Variants in FBXO15 observed in about 807,000 individuals in gnomAD.
The protein encoded by FBXO15 is F-box only protein 15.
FBXO15 carries 30 observed loss-of-function variants against 49.5 expected under a neutral mutation model. The observed-to-expected ratio is 0.61, with a 90% CI of 0.45 to 0.82. FBXO15 has a LOEUF of 0.82. Ranked by LOEUF, FBXO15 falls within the 40% of genes least tolerant of loss-of-function variation. The pLI is 0.00. For missense variants in FBXO15, 591 were observed against 631.5 expected (o/e 0.94, Z 0.69); for synonymous variants, 250 against 232.7 (o/e 1.07, Z -0.68).
chr18:74,103,504 T>C lies in FBXO15; in HGVS notation c.1138+19864A>G, dbSNP rs1274917003. 5.3e-5 allele frequency among the ~76,000 whole-genome samples: 8 copies of C among 151,974 alleles called. No homozygotes were observed. The East Asian group carries it at 1.4e-3, about 26-fold the overall frequency. The stretch of plus-strand genomic sequence containing the variant: ...CTTTCCAAAACTTGAGAAAGATATA[T>C]CCAGGTACAAGAATACTAGACAACA... On this transcript the variant is annotated intron_variant, in intron 8 of 9. Coordinates refer to ENST00000419743, the MANE Select transcript of FBXO15 (RefSeq NM_001142958.2).
intron 1 of FBXO15, among the ~76,000 whole-genome samples, chr18:74,140,983 T>C (rs371891990): frequency 2.0e-5 from 3 of 152,348 alleles, no homozygotes; most frequent in East Asian, 1.9e-4. Flanking sequence ...TTTGCAGTCA[T>C]AGACAAACTA....
chr18:74,077,488 G>A (rs1326360116), intron 9 of FBXO15, among the ~76,000 whole-genome samples: 1 of 152,196 alleles, frequency 6.6e-6, no homozygotes. Flanking sequence ...CTTGCTCCCT[G>A]ATGCCTTTCC....
chr18:74,118,679 C>G (rs999387425), intron 8 of FBXO15, among the ~76,000 whole-genome samples: 3 of 152,048 alleles, frequency 2.0e-5, no homozygotes, highest in African/African-American at 7.2e-5. Flanking sequence ...AGTTGGTATT[C>G]TGCAAAAACT....
chr18:74,088,445 T>A (rs142679715), intron 8 of FBXO15, among the ~76,000 whole-genome samples: 108 of 152,324 alleles, frequency 7.1e-4, no homozygotes, highest in African/African-American at 2.4e-3. Context: ...CCTGCATCAT[T>A]TATTGAATAG....
At chr18:74,091,989 G>C (rs979465140) in intron 8 of FBXO15, among the ~76,000 whole-genome samples, 2 of 152,142 alleles carry the variant, frequency 1.3e-5, no homozygotes, top group African/African-American at 4.8e-5. Context: ...CAAGGCGTTT[G>C]CTTTCTCTCC....
intron 8 of FBXO15, among the ~76,000 whole-genome samples, chr18:74,119,331 C>T (rs899378961): frequency 6.6e-6 from 1 of 152,188 alleles, no homozygotes; most frequent in African/African-American, 2.4e-5. Context: ...ACTGCATGGC[C>T]TTTGGGAGCC....
In FBXO15 at chr18:74,130,463, A is replaced by G. The variant is rs1158046775; in HGVS notation, c.528T>C (p.Pro176=). 2 of 1,614,078 alleles carry G rather than the reference A, an allele frequency of 1.2e-6. No individual in the cohort carries two copies. The highest frequency in any genetic ancestry group is 2.2e-5 in the East Asian group (1 of 44,888). Residue 176 remains proline (P), a synonymous_variant, in exon 4 of 10, where the codon CCT becomes CCC. Transcript: ENST00000419743. ...CTGGAAGGCCTGTGTAAGGGTTGAC[A>G]GGTTTGAGAATGTCAGCTAGTGCGG... ...VKAALADILK[P]VNPYTGLPVK...
rs568834397 is a variant in FBXO15 at position 74,127,513 on chromosome 18, AC to A, written c.786-1413del. On this transcript the variant is annotated intron_variant, in intron 5 of 9. Transcript: ENST00000419743. Reference sequence around the variant, plus strand: ...TGTTGAAAAACTTCTCATAGAGGAAACAAAAAAGACCCAAATAAAAATCACA... The same window carrying A: ...TGTTGAAAAACTTCTCATAGAGGAAAAAAAAAGACCCAAATAAAAATCACA... Among the ~76,000 whole-genome samples the A allele has an allele frequency of 2.0e-4, 30 of 152,360 alleles. No individual in the cohort carries two copies. The East Asian group carries it at 5.8e-3, about 29-fold the overall frequency.
At chr18:74,119,430 G>C (rs1175544414) in intron 8 of FBXO15, among the ~76,000 whole-genome samples, 1 of 152,162 alleles carries the variant, frequency 6.6e-6, no homozygotes, top group Non-Finnish European at 1.5e-5. Flanking sequence ...CCCCATGGAA[G>C]TTACTTCTCT....
chr18:74,134,721 G>A (rs925610153), intron 3 of FBXO15, among the ~76,000 whole-genome samples: 3 of 152,114 alleles, frequency 2.0e-5, no homozygotes, highest in Admixed American at 2.0e-4. Flanking sequence ...CCCTAGAAAT[G>A]CAGACTAGGG....
At chr18:74,129,110 T>G (rs954014875) in intron 5 of FBXO15, among the ~76,000 whole-genome samples, 1 of 152,316 alleles carries the variant, frequency 6.6e-6, no homozygotes, top group South Asian at 2.1e-4. Flanking sequence ...TCTGTTAAGA[T>G]GGTTAAAATG....
At chr18:74,107,693 G>A (rs1375160455) in intron 8 of FBXO15, among the ~76,000 whole-genome samples, 2 of 152,148 alleles carry the variant, frequency 1.3e-5, no homozygotes, top group Admixed American at 1.3e-4. Flanking sequence ...CAAGGGGTGT[G>A]GGCACACTTA....
chr18:74,116,118 TAACAC>T (rs895848963), intron 8 of FBXO15, among the ~76,000 whole-genome samples: 2 of 152,206 alleles, frequency 1.3e-5, no homozygotes, highest in Non-Finnish European at 2.9e-5. Flanking sequence ...AGGGAACAAT[TAACAC>T]AACAGACAGA....
rs996484660 is a variant in FBXO15 at position 74,100,451 on chromosome 18, C to T, written c.1139-18400G>A. On this transcript the variant is annotated intron_variant, in intron 8 of 9. Transcript: ENST00000419743. Reference sequence around the variant, plus strand: ...GAAAGTTCATAGCCCTAAATCCCTACATCAAAAAGTCTGGAAAAGCACAAA... The same window carrying T: ...GAAAGTTCATAGCCCTAAATCCCTATATCAAAAAGTCTGGAAAAGCACAAA... 2.0e-5 allele frequency among the ~76,000 whole-genome samples: 3 copies of T among 151,978 alleles called. No homozygotes were observed. In the East Asian group the frequency reaches 5.8e-4, roughly 29 times the overall value.
intron 5 of FBXO15, among the ~76,000 whole-genome samples, chr18:74,128,449 AGGAGAGAAACCAATGGGT>A (rs1978299714): frequency 6.6e-6 from 1 of 152,186 alleles, no homozygotes; most frequent in African/African-American, 2.4e-5. Flanking sequence ...AAGGACAGAC[AGGAGAGAAACCAATGGGT>A]GGAACTGCAG....
At chr18:74,089,014 C>T (rs1302243387) in intron 8 of FBXO15, among the ~76,000 whole-genome samples, 6 of 152,034 alleles carry the variant, frequency 3.9e-5, no homozygotes, top group Non-Finnish European at 7.4e-5. Context: ...ATGTACATGA[C>T]GTACAGGTTT....
intron 8 of FBXO15, among the ~76,000 whole-genome samples, chr18:74,105,924 G>T (rs1913739876): frequency 6.6e-6 from 1 of 152,020 alleles, no homozygotes. Flanking sequence ...TTTAAAATCT[G>T]GCCAGGTGAA....
At chr18:74,077,404 C>T (rs1048499220) in intron 9 of FBXO15, among the ~76,000 whole-genome samples, 20 of 152,158 alleles carry the variant, frequency 1.3e-4, no homozygotes, top group Non-Finnish European at 2.8e-4. Flanking sequence ...GGAGAGTGCA[C>T]GCCAGAGCCT....
Position 74,110,884 on chromosome 18 carries a change from T to G in FBXO15, c.1138+12484A>C, listed in dbSNP as rs537638422. On this transcript the variant is annotated intron_variant, in intron 8 of 9. Transcript: ENST00000419743. ...TAACAATTCTTAATGTGTATGTGAT[T>G]AACAACAGAACATCAAAATATCTGC... Among the ~76,000 whole-genome samples, 3 of 152,238 alleles carry G rather than the reference T, an allele frequency of 2.0e-5. No individual in the cohort carries two copies. In the South Asian group the frequency reaches 6.2e-4, roughly 32 times the overall value.
Sources: gnomAD v4.1 joint callset for allele counts (sites outside exome capture counted in the v4.1 genomes callset) on GRCh38, gnomAD v4.1.1 for gene constraint, MANE v1.5 for transcripts, NCBI Gene and HGNC (gene_info 2026-07-23, HGNC 2026-07-21) for gene names.